Variants in TNNI3K observed in about 807,000 individuals in gnomAD.
TNNI3K encodes the protein serine/threonine-protein kinase TNNI3K.
Under a neutral mutation model 114.5 loss-of-function variants are expected in TNNI3K, and 140 were observed. The ratio of observed to expected loss-of-function variants is 1.22; its 90% confidence interval spans 1.07 to 1.41. The LOEUF (loss-of-function observed/expected upper bound fraction) is 1.41. Ranked by LOEUF, TNNI3K falls within the 40% of genes most tolerant of loss-of-function variation. The pLI is 0.00. For synonymous variants in TNNI3K, 347 were observed against 347.5 expected (o/e 1.00, Z 0.02); for missense variants, 1,125 against 1,007.6 (o/e 1.12, Z -1.58).
chr1:74,250,389 C>A (rs944174825), intron 3 of TNNI3K, among the ~76,000 whole-genome samples: 3 of 152,070 alleles, frequency 2.0e-5, no homozygotes, highest in East Asian at 1.9e-4. Flanking sequence ...ATGGTGAATT[C>A]TCTTATGTGT....
In TNNI3K at chr1:74,514,419, A is replaced by G. The variant is rs1055278216; in HGVS notation, c.2351+22153A>G. Among the ~76,000 whole-genome samples the G allele has an allele frequency of 5.9e-5, 9 of 152,332 alleles. No homozygotes were observed. In the South Asian group the frequency reaches 6.2e-4, roughly 11 times the overall value. ...GAAGCATTTAAGTAAAAAGGGGAGCATTAATGAAAAGGTCCATTTTAATAG... is the reference window on the plus strand; with the variant it reads ...GAAGCATTTAAGTAAAAAGGGGAGCGTTAATGAAAAGGTCCATTTTAATAG... On this transcript the variant is annotated intron_variant, in intron 23 of 24. Transcript: ENST00000326637.
At chr1:74,531,618 G>A (rs1393712342) in intron 23 of TNNI3K, among the ~76,000 whole-genome samples, 1 of 152,170 alleles carries the variant, frequency 6.6e-6, no homozygotes, top group Non-Finnish European at 1.5e-5. Context: ...TATGGCAAGA[G>A]ATTTATTATC....
intron 17 of TNNI3K, among the ~76,000 whole-genome samples, chr1:74,389,391 C>A (rs538439961): frequency 6.6e-6 from 1 of 152,152 alleles, no homozygotes; most frequent in African/African-American, 2.4e-5. Context: ...TGATTTCAAC[C>A]ATTTTGTTTG....
intron 4 of TNNI3K, among the ~76,000 whole-genome samples, chr1:74,258,851 C>T (rs913075270): frequency 1.3e-5 from 2 of 152,176 alleles, no homozygotes; most frequent in African/African-American, 4.8e-5. Flanking sequence ...GAATATTTCC[C>T]TTTCTACTTT....
chr1:74,333,400 T>C (rs780705025), intron 6 of TNNI3K, among the ~76,000 whole-genome samples: 6 of 152,220 alleles, frequency 3.9e-5, no homozygotes, highest in Non-Finnish European at 8.8e-5. Flanking sequence ...TTTCCTAACC[T>C]CAGGCACAGA....
chr1:74,484,880 C>A (rs750728338), intron 21 of TNNI3K, among the ~76,000 whole-genome samples: 14 of 152,102 alleles, frequency 9.2e-5, no homozygotes, highest in Non-Finnish European at 2.1e-4. Context: ...GAGTTGGGAA[C>A]TACTTTTAGA....
At chr1:74,385,408 C>T (rs1234932982) in intron 17 of TNNI3K, among the ~76,000 whole-genome samples, 1 of 152,058 alleles carries the variant, frequency 6.6e-6, no homozygotes, top group Non-Finnish European at 1.5e-5. Flanking sequence ...AAGTAAACTG[C>T]CTAACATGGG....
chr1:74,304,721 A>T (rs1380171933), intron 5 of TNNI3K, among the ~76,000 whole-genome samples: 1 of 152,192 alleles, frequency 6.6e-6, no homozygotes, highest in Non-Finnish European at 1.5e-5. Context: ...CTGGGATCAC[A>T]TGCATGAGCC....
At chr1:74,512,668 C>G (rs543355877) in intron 23 of TNNI3K, 1 of 152,400 alleles carries the variant, frequency 6.6e-6, no homozygotes, top group Non-Finnish European at 1.5e-5. Flanking sequence ...ACACCACCCC[C>G]TCCTGGCTTC....
chr1:74,451,678 TTTTCTTTTCTTTCTTTC>T (rs1271981105), intron 20 of TNNI3K, among the ~76,000 whole-genome samples: 6 of 45,516 alleles, frequency 1.3e-4, no homozygotes, highest in African/African-American at 3.0e-4. Context: ...TTTTCTTTTC[TTTTCTTTTCTTTCTTTC>T]TTTCTTTCTT....
chr1:74,257,870 T>A (rs556729609), intron 4 of TNNI3K, among the ~76,000 whole-genome samples: 5 of 152,046 alleles, frequency 3.3e-5, no homozygotes, highest in Non-Finnish European at 7.4e-5. Flanking sequence ...GGTTTCACCA[T>A]GTTAGCCAGG....
chr1:74,312,884 C>T (rs1276352315), intron 5 of TNNI3K, among the ~76,000 whole-genome samples: 2 of 152,156 alleles, frequency 1.3e-5, no homozygotes, highest in Non-Finnish European at 2.9e-5. Flanking sequence ...TATTATTGCC[C>T]CTGTTATCTT....
At chr1:74,268,184 C>A (rs1656120185) in intron 4 of TNNI3K, among the ~76,000 whole-genome samples, 2 of 85,222 alleles carry the variant, frequency 2.3e-5, no homozygotes, top group African/African-American at 9.1e-5. Context: ...TTGCTCAAAT[C>A]TATCATATTT....
At chr1:74,402,918 T>C (rs1664443215) in intron 17 of TNNI3K, among the ~76,000 whole-genome samples, 1 of 152,190 alleles carries the variant, frequency 6.6e-6, no homozygotes, top group Non-Finnish European at 1.5e-5. Context: ...GTGTATTTTA[T>C]GTGTGGCCCA....
In TNNI3K at chr1:74,367,263, T is replaced by G. The variant is rs1317806612; in HGVS notation, c.1185T>G (p.Asp395Glu). ...TTGTATCTTTTCATAAAGGGCATGA[T>G]GCCATTGTCACACTCCTGAAGCATT... is the stretch of plus-strand genomic sequence containing the variant. ...CLMWAYEKGH[D>E]AIVTLLKHYK... Residue 395 changes from aspartate (D) to glutamate (E), a missense_variant, in exon 12 of 25, where the codon GAT becomes GAG. Physicochemically the swap from Asp to Glu is conservative, Grantham distance 45 (BLOSUM62 2). Coordinates refer to ENST00000326637, the MANE Select transcript of TNNI3K (RefSeq NM_015978.3). The G allele has an allele frequency of 6.2e-7, 1 of 1,612,036 alleles. No homozygotes were observed. The highest frequency in any genetic ancestry group is 8.5e-7 in the Non-Finnish European group (1 of 1,178,630).
At chr1:74,504,873 T>C (rs1310701210) in intron 23 of TNNI3K, among the ~76,000 whole-genome samples, 1 of 152,082 alleles carries the variant, frequency 6.6e-6, no homozygotes, top group African/African-American at 2.4e-5. Flanking sequence ...AGAGTGCATT[T>C]CCCTCTTCAA....
At chr1:74,532,983 A>G (rs188810874) in intron 23 of TNNI3K, among the ~76,000 whole-genome samples, 74 of 152,362 alleles carry the variant, frequency 4.9e-4, no homozygotes, top group African/African-American at 1.7e-3. Flanking sequence ...CCTAGGCATT[A>G]CCATTCAGGA....
At chr1:74,477,850 A>T (rs182731646) in intron 21 of TNNI3K, among the ~76,000 whole-genome samples, 158 of 152,354 alleles carry the variant, frequency 1.0e-3, no homozygotes, top group African/African-American at 3.6e-3. Context: ...AAAGTGTTCT[A>T]ACAATCTACC....
intron 5 of TNNI3K, among the ~76,000 whole-genome samples, chr1:74,314,163 T>C (rs1261437165): frequency 6.7e-6 from 1 of 148,270 alleles, no homozygotes; most frequent in Non-Finnish European, 1.5e-5. Flanking sequence ...CATATATATA[T>C]AAATATATAT....
Sources: gnomAD v4.1 joint callset for allele counts (sites outside exome capture counted in the v4.1 genomes callset) on GRCh38, gnomAD v4.1.1 for gene constraint, MANE v1.5 for transcripts, NCBI Gene and HGNC (gene_info 2026-07-23, HGNC 2026-07-21) for gene names.